ZNF385B: variants seen among roughly 807,000 people sequenced by gnomAD.
ZNF385B encodes zinc finger protein 385B.
A neutral mutation model predicts 39.2 loss-of-function variants in ZNF385B; 23 were observed. The observed-to-expected ratio is 0.59, with a 90% CI of 0.42 to 0.83. The LOEUF (loss-of-function observed/expected upper bound fraction) is 0.83, where lower values mean the gene tolerates loss of function less well. Ranked by LOEUF, ZNF385B falls within the 40% of genes least tolerant of loss-of-function variation. ZNF385B has a pLI of 0.00. For synonymous variants in ZNF385B, 205 were observed against 222.6 expected (o/e 0.92, Z 0.70); for missense variants, 552 against 598.9 (o/e 0.92, Z 0.82).
chr2:179,509,696 C>T (rs139309824), intron 5 of ZNF385B, among the ~76,000 whole-genome samples: 303 of 152,192 alleles, frequency 2.0e-3, no homozygotes, highest in Middle Eastern at 0.01. Context: ...TCTAGATTTC[C>T]ATCTGATGCT....
intron 3 of ZNF385B, among the ~76,000 whole-genome samples, chr2:179,733,059 C>T (rs1051096047): frequency 6.6e-6 from 1 of 152,178 alleles, no homozygotes; most frequent in African/African-American, 2.4e-5. Flanking sequence ...ATTCAGATGA[C>T]TATGTACAAT....
chr2:179,583,938 AT>A (rs1681956002), intron 3 of ZNF385B: 1 of 1,304,024 alleles, frequency 7.7e-7, no homozygotes, highest in Non-Finnish European at 1.0e-6. Context: ...CAAACCATCC[AT>A]CAACATACCC....
chr2:179,493,697 A>ATATGTG (rs2055676615), intron 5 of ZNF385B, among the ~76,000 whole-genome samples: 1 of 127,356 alleles, frequency 7.9e-6, no homozygotes, highest in African/African-American at 2.9e-5. Context: ...ACATATATAC[A>ATATGTG]TATATGTATA....
At chr2:179,542,086 G>A (rs1004954229) in intron 4 of ZNF385B, among the ~76,000 whole-genome samples, 11 of 152,200 alleles carry the variant, frequency 7.2e-5, no homozygotes, top group Admixed American at 3.3e-4. Context: ...TAGTGGTGAT[G>A]TAATAGCGTT....
In ZNF385B at chr2:179,653,838, C is replaced by T. The variant is rs1369835394; in HGVS notation, c.299-108869G>A. The stretch of plus-strand genomic sequence containing the variant: ...CAGCTAGCGAACAAACTCAGACGAG[C>T]CAGTGCCTTCCCCACACTAGCCAAG... On this transcript the variant is annotated intron_variant, in intron 3 of 9. Transcript: ENST00000410066. Among the ~76,000 whole-genome samples the T allele has an allele frequency of 2.6e-5, 4 of 152,250 alleles. No homozygotes were observed. In the East Asian group the frequency reaches 5.8e-4, roughly 22 times the overall value.
At chr2:179,515,208 A>G (rs746911064) in intron 5 of ZNF385B, among the ~76,000 whole-genome samples, 3 of 152,222 alleles carry the variant, frequency 2.0e-5, no homozygotes, top group Non-Finnish European at 4.4e-5. Flanking sequence ...TGAAGAATCT[A>G]TCTATCATCA....
At chr2:179,568,228 TTCAGTTGTGCCTCAGC>T (rs1388877501) in intron 3 of ZNF385B, among the ~76,000 whole-genome samples, 2 of 152,172 alleles carry the variant, frequency 1.3e-5, no homozygotes, top group African/African-American at 4.8e-5. Context: ...CTGCTCCCAT[TTCAGTTGTGCCTCAGC>T]TCAGTTATCA....
intron 3 of ZNF385B, among the ~76,000 whole-genome samples, chr2:179,580,895 G>T (rs1686432835): frequency 6.6e-6 from 1 of 152,184 alleles, no homozygotes; most frequent in Admixed American, 6.5e-5. Context: ...GAGCAGTGTG[G>T]TCTGACAAAT....
intron 5 of ZNF385B, among the ~76,000 whole-genome samples, chr2:179,500,322 A>G (rs557520798): frequency 6.6e-6 from 1 of 152,254 alleles, no homozygotes; most frequent in East Asian, 1.9e-4. Flanking sequence ...CCTACACCAA[A>G]AGAACAAAAC....
chr2:179,455,600 C>T (rs10193652), intron 6 of ZNF385B, among the ~76,000 whole-genome samples: 21,522 of 151,934 alleles, frequency 0.14, 1,640 homozygotes, highest in Non-Finnish European at 0.16. Context: ...TTATAAATTA[C>T]CTAGTCTCGG....
At chr2:179,717,977 A>G (rs1316905147) in intron 3 of ZNF385B, among the ~76,000 whole-genome samples, 1 of 152,172 alleles carries the variant, frequency 6.6e-6, no homozygotes, top group African/African-American at 2.4e-5. Context: ...ATAAATTAAT[A>G]TTGTCATCCG....
chr2:179,602,694 T>C lies in ZNF385B; in HGVS notation c.299-57725A>G, dbSNP rs115888444. 3.0e-3 allele frequency among the ~76,000 whole-genome samples: 458 copies of C among 152,308 alleles called. 1 individual carries two copies. Among genetic ancestry groups the C allele is most frequent in the African/African-American group, 9.5e-3 (393 of 41,578 alleles). ...CGTAAGTTTTCAAGAGAAAACATCA[T>C]ATATATTGGCAACAAATGAGAGTCT... On this transcript the variant is annotated intron_variant, in intron 3 of 9. Transcript: ENST00000410066.
rs570497660 is a variant in ZNF385B, at chr2:179,676,282, G to A, written c.298+93221C>T. On this transcript the variant is annotated intron_variant, in intron 3 of 9. Transcript: ENST00000410066. ...TTTTTGTATTTTTAGTAGAGATGGGGTTTCACCGTGTTAGCCAGGATGGTC... is the reference window on the plus strand; with the variant it reads ...TTTTTGTATTTTTAGTAGAGATGGGATTTCACCGTGTTAGCCAGGATGGTC... 1.5e-3 allele frequency among the ~76,000 whole-genome samples: 234 copies of A among 151,884 alleles called. 2 individuals are homozygous for A. The highest frequency in any genetic ancestry group is 5.5e-3 in the African/African-American group (226 of 41,382).
chr2:179,670,525 A>T (rs3112972), intron 3 of ZNF385B, among the ~76,000 whole-genome samples: 63,731 of 151,822 alleles, frequency 0.42, 14,121 homozygotes, highest in African/African-American at 0.57. Context: ...AGGTCTTGAA[A>T]ATTTGTTACT....
intron 3 of ZNF385B, among the ~76,000 whole-genome samples, chr2:179,720,193 C>T (rs746510377): frequency 9.2e-5 from 14 of 152,064 alleles, no homozygotes; most frequent in Non-Finnish European, 1.6e-4. Context: ...AATCCAAAAA[C>T]ATATCAACAA....
chr2:179,594,448 G>T (rs979656276), intron 3 of ZNF385B, among the ~76,000 whole-genome samples: 2 of 152,106 alleles, frequency 1.3e-5, no homozygotes, highest in East Asian at 3.9e-4. Flanking sequence ...GTTACAGCAG[G>T]GAAGAGACTG....
intron 3 of ZNF385B, among the ~76,000 whole-genome samples, chr2:179,752,548 C>T (rs1297044355): frequency 1.3e-5 from 2 of 152,228 alleles, no homozygotes; most frequent in South Asian, 2.1e-4. Context: ...TACAGTCCCA[C>T]CAACAGTGTA....
intron 1 of ZNF385B, among the ~76,000 whole-genome samples, chr2:179,772,799 G>C (rs559694218): frequency 2.0e-5 from 3 of 152,212 alleles, no homozygotes; most frequent in Non-Finnish European, 4.4e-5. Context: ...ACCTTCGGGG[G>C]TGTCTGATTT....
At chr2:179,630,274 A>C (rs1691075089) in intron 3 of ZNF385B, among the ~76,000 whole-genome samples, 1 of 152,176 alleles carries the variant, frequency 6.6e-6, no homozygotes, top group Admixed American at 6.5e-5. Flanking sequence ...GGGCTGACAG[A>C]CACCTCACAT....
Sources: gnomAD v4.1 joint callset for allele counts (sites outside exome capture counted in the v4.1 genomes callset) on GRCh38, gnomAD v4.1.1 for gene constraint, MANE v1.5 for transcripts, NCBI Gene and HGNC (gene_info 2026-07-23, HGNC 2026-07-21) for gene names.